Variants in B9D1 observed in about 807,000 individuals in gnomAD.
B9D1 encodes the protein B9 domain containing 1.
B9D1 carries 20 observed loss-of-function variants against 26.1 expected under a neutral mutation model. The observed-to-expected ratio is 0.77, with a 90% CI of 0.54 to 1.12. The LOEUF is 1.12. B9D1 is among the 50% of genes most tolerant of loss of function. The probability of loss-of-function intolerance (pLI) is 0.00; values close to 1 mark genes in which losing one functional copy is unlikely to be tolerated. For missense variants in B9D1, 260 were observed against 273.7 expected, an observed-to-expected ratio of 0.95 and a Z score of 0.35; for synonymous variants, 105 against 103.1, an observed-to-expected ratio of 1.02 and a Z score of -0.11.
chr17:19,352,159 T>A (rs1313415466), intron 3 of B9D1, among the ~76,000 whole-genome samples: 2 of 152,132 alleles, frequency 1.3e-5, no homozygotes, highest in Non-Finnish European at 2.9e-5. Flanking sequence ...GTGTTGGGAT[T>A]ATAGGTGTGA....
chr17:19,335,318 C>A, downstream of B9D1: 2 of 1,366,802 alleles, frequency 1.5e-6, no homozygotes, highest in Non-Finnish European at 2.0e-6. Context: ...TACGAATATA[C>A]CAACATCCTG....
chr17:19,361,715 C>T (rs1777203811), intron 1 of B9D1, among the ~76,000 whole-genome samples: 1 of 152,148 alleles, frequency 6.6e-6, no homozygotes, highest in Non-Finnish European at 1.5e-5. Flanking sequence ...CTTACCCAAA[C>T]CGTCTCAGTC....
chr17:19,350,262 T>C (rs531117367), intron 3 of B9D1, among the ~76,000 whole-genome samples: 13 of 151,578 alleles, frequency 8.6e-5, no homozygotes, highest in Non-Finnish European at 1.3e-4. Flanking sequence ...ATCCAAAAAT[T>C]AGGCGAGGCG....
At chr17:19,351,658 T>C (rs1909623842) in intron 3 of B9D1, among the ~76,000 whole-genome samples, 1 of 152,238 alleles carries the variant, frequency 6.6e-6, no homozygotes, top group Non-Finnish European at 1.5e-5. Flanking sequence ...CTTGGAACTT[T>C]CTTTGTGAGA....
chr17:19,361,522 G>C (rs1270015633), intron 1 of B9D1, among the ~76,000 whole-genome samples: 1 of 152,028 alleles, frequency 6.6e-6, no homozygotes, highest in Non-Finnish European at 1.5e-5. Context: ...CTGATGCTGA[G>C]AGCACAGACA....
chr17:19,346,143 C>T (rs1418710305), intron 5 of B9D1, among the ~76,000 whole-genome samples: 1 of 152,244 alleles, frequency 6.6e-6, no homozygotes, highest in Non-Finnish European at 1.5e-5. Context: ...GGCACTGCCT[C>T]GCTGCCTCCC....
chr17:19,355,509 G>A (rs1256716853), intron 3 of B9D1, among the ~76,000 whole-genome samples: 6 of 143,828 alleles, frequency 4.2e-5, no homozygotes, highest in South Asian at 2.3e-4. Context: ...GAAAGACAGA[G>A]CAAGACTCTG....
chr17:19,344,602 G>C (rs1033320799), intron 5 of B9D1: 3 of 211,346 alleles, frequency 1.4e-5, no homozygotes, highest in Non-Finnish European at 3.0e-5. Flanking sequence ...CGGGACTCGC[G>C]GCCGCGCCTC....
chr17:19,341,212 C>A, downstream of B9D1: 2 of 1,231,656 alleles, frequency 1.6e-6, no homozygotes, highest in South Asian at 4.1e-5. Flanking sequence ...ACGTGCACAC[C>A]ACAGGCTAGA....
upstream of B9D1, chr17:19,364,722 C>T (rs1911492439): frequency 6.5e-6 from 1 of 152,950 alleles, no homozygotes; most frequent in African/African-American, 2.4e-5. The surrounding 1 kb of genome is among the most constrained non-coding windows in gnomAD (Gnocchi z 4.3). Context: ...TGCCAAGTCT[C>T]TCCACCCCCA....
At chr17:19,337,704 TCA>T, downstream of B9D1, 1 of 1,533,216 alleles carries the variant, frequency 6.5e-7, no homozygotes. Context: ...CAAGCCGCTT[TCA>T]TCTTGAAACA....
rs370603654 is a variant in B9D1, at chr17:19,347,922, C to G, written c.245-42G>C. On this transcript the variant is annotated intron_variant, in intron 3 of 6. Coordinates refer to ENST00000261499, the MANE Select transcript of B9D1 (RefSeq NM_015681.6). This position sits in a 1 kb window ranked among gnomAD's most constrained non-coding sequence, Gnocchi z 4.3. ...CAGGGGGTGGGCACATGAGGACACA[C>G]AGGGGAGGTGCAGGGCAGAGAACAG... The G allele has an allele frequency of 1.4e-4, 215 of 1,558,008 alleles. 2 individuals carry two copies. Among genetic ancestry groups the G allele is most frequent in the Middle Eastern group, 1.3e-3 (8 of 5,940 alleles).
upstream of B9D1, among the ~76,000 whole-genome samples, chr17:19,363,358 A>T (rs1186452159): frequency 2.6e-5 from 4 of 152,246 alleles, no homozygotes; most frequent in African/African-American, 9.6e-5. Context: ...GGGAGTTGCT[A>T]GCCAAAATCC....
Position 19,347,224 on chromosome 17 carries a change from A to C in B9D1, c.404+45T>G. On this transcript the variant is annotated intron_variant, in intron 5 of 6. Coordinates refer to ENST00000261499, the MANE Select transcript of B9D1 (RefSeq NM_015681.6). This position sits in a 1 kb window ranked among gnomAD's most constrained non-coding sequence, Gnocchi z 4.3. ...GAGGGGTAGAATGGGACATCCATTC[A>C]TCCAGTAGATCAGGAGGGGCTGGGG... The C allele has an allele frequency of 6.2e-7, 1 of 1,614,240 alleles. No individual in the cohort carries two copies. Among genetic ancestry groups the C allele is most frequent in the Non-Finnish European group, 8.5e-7 (1 of 1,180,034 alleles).
rs1911216608 is a variant in B9D1 at position 19,362,423 on chromosome 17, G to A, written c.63+84C>T. On this transcript the variant is annotated intron_variant, in intron 1 of 6. Coordinates refer to ENST00000261499, the MANE Select transcript of B9D1 (RefSeq NM_015681.6). The stretch of plus-strand genomic sequence containing the variant: ...CAGAGGAATGACGTGGCTCTCCGGG[G>A]GCCACAGGGCAGCCCGGGGGGTTGC... The A allele has an allele frequency of 7.0e-6, 7 of 1,005,972 alleles. No homozygotes were observed. In the Admixed American group the frequency reaches 1.4e-4, roughly 20 times the overall value. 62.3% of individuals were successfully genotyped at this position (1,005,972 alleles called of 1,614,324 possible).
At chr17:19,335,120 C>T (rs1907340443), downstream of B9D1, 1 of 248,106 alleles carries the variant, frequency 4.0e-6, no homozygotes, top group Non-Finnish European at 7.6e-6. Context: ...AAAGCAAATT[C>T]TTTATAGGAA....
chr17:19,340,029 CCCAA>C (rs1567877822), downstream of B9D1, among the ~76,000 whole-genome samples: 5 of 53,026 alleles, frequency 9.4e-5, no homozygotes, highest in Non-Finnish European at 1.6e-4. Context: ...GTCCCACATG[CCCAA>C]CCCCCCCCCC....
chr17:19,336,669 T>C (rs1044037301), downstream of B9D1: 3 of 152,650 alleles, frequency 2.0e-5, no homozygotes, highest in African/African-American at 7.2e-5. Flanking sequence ...GTGTTGACTG[T>C]TGATACTTAT....
Position 19,372,433 on chromosome 17 carries a change from C to T in B9D1, c.-298+5426G>A, listed in dbSNP as rs760333662. On this transcript the variant is annotated intron_variant, in intron 1 of 5. Transcript: ENST00000477478. The surrounding 1 kb of genome is among the most constrained non-coding windows in gnomAD (Gnocchi z 4.4). ...TCCTGCCACTTCCCTCTGGCCTTCT[C>T]GTGGCCCTGAGATGTGCCACACTCT... 7.2e-5 allele frequency among the ~76,000 whole-genome samples: 11 copies of T among 152,222 alleles called. No homozygotes were observed. Among genetic ancestry groups the T allele is most frequent in the Non-Finnish European group, 1.2e-4 (8 of 68,038 alleles).
Sources: gnomAD v4.1 joint callset for allele counts (sites outside exome capture counted in the v4.1 genomes callset) on GRCh38, gnomAD v4.1.1 for gene constraint, Gnocchi (gnomAD v3.1) non-coding constraint, MANE v1.5 for transcripts, NCBI Gene and HGNC (gene_info 2026-07-23, HGNC 2026-07-21) for gene names.